PLPP1: variants seen among roughly 807,000 people sequenced by gnomAD.
The protein encoded by PLPP1 is phospholipid phosphatase 1, also known as lipid phosphate phosphohydrolase 1a.
PLPP1 carries 24 observed loss-of-function variants against 31.2 expected under a neutral mutation model. The ratio of observed to expected loss-of-function variants is 0.77; its 90% CI spans 0.56 to 1.08. The LOEUF is 1.08. Among genes scored for constraint, PLPP1 ranks in the 50% least tolerant of loss-of-function variants. The pLI is 0.00. For missense variants in PLPP1, 319 were observed against 342.7 expected (o/e 0.93, Z 0.55); for synonymous variants, 146 against 126.3 (o/e 1.16, Z -1.05).
chr5:55,473,214 T>C (rs1232716577), intron 2 of PLPP1, among the ~76,000 whole-genome samples: 1 of 152,220 alleles, frequency 6.6e-6, no homozygotes, highest in East Asian at 1.9e-4. Flanking sequence ...AAAAATTCAG[T>C]GTAAAGATTT....
At chr5:55,458,889 A>C (rs891222845) in intron 3 of PLPP1, among the ~76,000 whole-genome samples, 1 of 124,104 alleles carries the variant, frequency 8.1e-6, no homozygotes, top group East Asian at 2.3e-4. Context: ...CCTGTCTCCA[A>C]AAAAAAAAAA....
intron 1 of PLPP1, among the ~76,000 whole-genome samples, chr5:55,516,294 T>C (rs185769458): frequency 7.9e-5 from 12 of 152,302 alleles, no homozygotes; most frequent in Admixed American, 5.9e-4. Flanking sequence ...CTGATCTCCC[T>C]AAATCCATTA....
intron 1 of PLPP1, among the ~76,000 whole-genome samples, chr5:55,532,881 G>A (rs575866760): frequency 6.6e-6 from 1 of 151,590 alleles, no homozygotes; most frequent in African/African-American, 2.4e-5. Flanking sequence ...GCTTGAACCC[G>A]GGAAGCGGAG....
chr5:55,526,931 C>CAAA (rs34267008), intron 1 of PLPP1, among the ~76,000 whole-genome samples: 2,452 of 74,690 alleles, frequency 0.033, 120 homozygotes, highest in Non-Finnish European at 0.042. Context: ...GATTCCATCT[C>CAAA]AAAAAAAAAA....
At chr5:55,449,513 T>G (rs1242931456) in intron 3 of PLPP1, among the ~76,000 whole-genome samples, 1 of 152,198 alleles carries the variant, frequency 6.6e-6, no homozygotes, top group African/African-American at 2.4e-5. Context: ...GTGCCACTAC[T>G]CCGAGTATAA....
intron 3 of PLPP1, among the ~76,000 whole-genome samples, chr5:55,444,556 T>G (rs1751707341): frequency 6.6e-6 from 1 of 152,162 alleles, no homozygotes; most frequent in African/African-American, 2.4e-5. Context: ...AGTAACAATG[T>G]GAGCCAGCTT....
intron 3 of PLPP1, among the ~76,000 whole-genome samples, chr5:55,466,593 C>A (rs1579943203): frequency 6.6e-6 from 1 of 151,890 alleles, no homozygotes; most frequent in African/African-American, 2.4e-5. Context: ...GTCCCAGCTA[C>A]TCGGGAGGCT....
At chr5:55,442,435 C>T (rs556651003) in intron 3 of PLPP1, among the ~76,000 whole-genome samples, 24 of 152,170 alleles carry the variant, frequency 1.6e-4, no homozygotes, top group South Asian at 1.5e-3. Flanking sequence ...GGGCGGATCA[C>T]GAGGTCAGGA....
At chr5:55,446,542 T>C (rs1429167247) in intron 3 of PLPP1, among the ~76,000 whole-genome samples, 1 of 152,244 alleles carries the variant, frequency 6.6e-6, no homozygotes, top group Non-Finnish European at 1.5e-5. Context: ...ATTTGCTGAC[T>C]GTCTCAGGGT....
chr5:55,530,970 G>C (rs17696663), intron 1 of PLPP1, among the ~76,000 whole-genome samples: 1 of 152,164 alleles, frequency 6.6e-6, no homozygotes, highest in East Asian at 1.9e-4. Flanking sequence ...GTGACGGCCC[G>C]GGGCTCGATG....
intron 3 of PLPP1, among the ~76,000 whole-genome samples, chr5:55,453,539 A>T (rs531976867): frequency 2.6e-5 from 4 of 152,354 alleles, no homozygotes; most frequent in Non-Finnish European, 5.9e-5. Context: ...TGTGTGCAAA[A>T]TGCCTCAAAT....
chr5:55,432,095 CTTCTTTTTTTTTT>C (rs1176078528), intron 4 of PLPP1, among the ~76,000 whole-genome samples: 55 of 145,942 alleles, frequency 3.8e-4, no homozygotes, highest in African/African-American at 9.9e-4. Context: ...TTTTCTTTTT[CTTCTTTTTTTTTT>C]TTTTTTTTTT....
chr5:55,518,898 A>G (rs1753607272), intron 1 of PLPP1, among the ~76,000 whole-genome samples: 1 of 152,212 alleles, frequency 6.6e-6, no homozygotes, highest in South Asian at 2.1e-4. Flanking sequence ...GATCTTGTCC[A>G]TGAGATCACA....
At chr5:55,444,770 T>TGTGTGTGTGTGTGTGTGTGTGA (rs1339633741) in intron 3 of PLPP1, among the ~76,000 whole-genome samples, 1 of 151,242 alleles carries the variant, frequency 6.6e-6, no homozygotes, top group Non-Finnish European at 1.5e-5. Flanking sequence ...TGTGTGTGTG[T>TGTGTGTGTGTGTGTGTGTGTGA]GATGGAGTCT....
In PLPP1 at chr5:55,464,581, A is replaced by G. The variant is rs150849260; in HGVS notation, c.491+3288T>C. ...TAGCCAAAAATTGGAGACAACTCAA[A>G]TGTCCATCAATATTTGCATGAATGG... is the stretch of plus-strand genomic sequence containing the variant. On this transcript the variant is annotated intron_variant, in intron 3 of 5. Coordinates refer to ENST00000307259, the MANE Select transcript of PLPP1 (RefSeq NM_003711.4). Among the ~76,000 whole-genome samples the G allele has an allele frequency of 4.9e-3, 752 of 152,312 alleles. 9 individuals carry two copies. The highest frequency in any genetic ancestry group is 0.017 in the African/African-American group (724 of 41,570).
chr5:55,489,136 T>G (rs1752834551), intron 1 of PLPP1, among the ~76,000 whole-genome samples: 1 of 152,160 alleles, frequency 6.6e-6, no homozygotes, highest in Non-Finnish European at 1.5e-5. Context: ...AGGCAGAGAT[T>G]GCAGTGAGCC....
chr5:55,515,362 T>C (rs149379844), intron 1 of PLPP1, among the ~76,000 whole-genome samples: 119 of 152,334 alleles, frequency 7.8e-4, no homozygotes, highest in African/African-American at 2.8e-3. Flanking sequence ...CAGGTCCTCC[T>C]CCTATCCTCC....
At chr5:55,461,462 T>C (rs1287450142) in intron 3 of PLPP1, among the ~76,000 whole-genome samples, 1 of 151,994 alleles carries the variant, frequency 6.6e-6, no homozygotes, top group East Asian at 1.9e-4. Flanking sequence ...TGCTTTGATA[T>C]TCAAAAAACT....
At chr5:55,427,101 A>AAG (rs1239894262) in intron 4 of PLPP1, among the ~76,000 whole-genome samples, 4 of 150,770 alleles carry the variant, frequency 2.7e-5, no homozygotes, top group African/African-American at 9.8e-5. Context: ...AAAAAAAAAA[A>AAG]AAAGAAAACT....
Sources: allele counts gnomAD v4.1 joint callset (sites outside exome capture counted in the v4.1 genomes callset), GRCh38; gene constraint gnomAD v4.1.1; transcripts MANE v1.5; gene names NCBI Gene and HGNC (gene_info 2026-07-23, HGNC 2026-07-21).